The following FBXO11 variants were observed in gnomAD, a reference collection of about 807,000 sequenced individuals.
FBXO11 encodes F-box only protein 11.
Under a neutral mutation model 117.0 loss-of-function variants are expected in FBXO11, and 13 were observed. The ratio of observed to expected loss-of-function variants is 0.11; its 90% CI spans 0.07 to 0.18. FBXO11 has a LOEUF of 0.18. Ranked by LOEUF, FBXO11 falls within the 10% of genes least tolerant of loss-of-function variation. FBXO11 has a pLI of 1.00. For synonymous variants in FBXO11, 490 were observed against 380.5 expected (o/e 1.29, Z -3.35); for missense variants, 767 against 1,164.4 (o/e 0.66, Z 4.97).
chr2:47,826,081 C>T (rs757331190), intron 11 of FBXO11, among the ~76,000 whole-genome samples: 9 of 151,972 alleles, frequency 5.9e-5, no homozygotes, highest in Admixed American at 1.3e-4. Context: ...TTTTTTGAGA[C>T]GGAGTCTCAC....
chr2:47,891,540 T>C (rs527938689), intron 1 of FBXO11, among the ~76,000 whole-genome samples: 1 of 152,360 alleles, frequency 6.6e-6, no homozygotes, highest in Non-Finnish European at 1.5e-5. Context: ...TTGTGGGCTG[T>C]TTCCACATCT....
chr2:47,814,830 T>C (rs979614416), intron 16 of FBXO11, among the ~76,000 whole-genome samples: 1 of 152,224 alleles, frequency 6.6e-6, no homozygotes, highest in African/African-American at 2.4e-5. Context: ...TTGCCAACCC[T>C]GCTACTACTT....
rs1670341518 is a variant in FBXO11 at position 47,807,958 on chromosome 2, C to A, written c.*160G>T. The A allele has an allele frequency of 3.0e-6, 2 of 664,326 alleles. No homozygotes were observed. The highest frequency in any genetic ancestry group is 3.6e-5 in the African/African-American group (2 of 55,732). 41.2% of individuals were successfully genotyped at this position (664,326 alleles called of 1,614,324 possible). On this transcript the variant is annotated 3_prime_UTR_variant, in exon 23 of 23. Transcript: ENST00000403359. ...TCCTGAGTCAATATATTGCCACTTT[C>A]TTTTTGGTAGCTTGAGCTTCATAGT...
intron 1 of FBXO11, among the ~76,000 whole-genome samples, chr2:47,866,566 C>CG: frequency 6.6e-6 from 1 of 151,774 alleles, no homozygotes; most frequent in South Asian, 2.1e-4. Flanking sequence ...CTCCGCCTCT[C>CG]GGGTTCAAGC....
intron 1 of FBXO11, among the ~76,000 whole-genome samples, chr2:47,883,303 C>A (rs980598497): frequency 2.0e-5 from 3 of 152,112 alleles, no homozygotes; most frequent in Non-Finnish European, 2.9e-5. Flanking sequence ...CTTCACAGTC[C>A]AAAGACTCTC....
intron 11 of FBXO11, among the ~76,000 whole-genome samples, chr2:47,828,799 A>G (rs1558419787): frequency 6.6e-6 from 1 of 152,216 alleles, no homozygotes; most frequent in African/African-American, 2.4e-5. Context: ...CAATGTTAGT[A>G]CCTTAGACTT....
intron 21 of FBXO11, chr2:47,808,692 G>T: frequency 2.8e-6 from 1 of 361,254 alleles, no homozygotes; most frequent in Non-Finnish European, 5.0e-6. Flanking sequence ...ATGTTTCTGG[G>T]CTGAAAACAA....
chr2:47,854,793 C>T (rs1482597252), intron 1 of FBXO11, among the ~76,000 whole-genome samples: 1 of 151,564 alleles, frequency 6.6e-6, no homozygotes, highest in African/African-American at 2.4e-5. Context: ...GCTTTGAGAA[C>T]CATGGGAGTC....
chr2:47,835,848 AT>A (rs747946061), intron 5 of FBXO11, 23 bp downstream of exon 5: 1 of 1,550,604 alleles, frequency 6.4e-7, no homozygotes, highest in East Asian at 2.3e-5. Flanking sequence ...ATATAAACCA[AT>A]ATATTCTATT....
At chr2:47,850,296 T>A (rs746921968) in intron 1 of FBXO11, among the ~76,000 whole-genome samples, 2 of 152,164 alleles carry the variant, frequency 1.3e-5, no homozygotes, top group African/African-American at 2.4e-5. Context: ...GGTTTCAATT[T>A]TGAGTTTTGA....
At chr2:47,839,145 A>G in intron 3 of FBXO11, 142 bp from the exon 4 acceptor site, 1 of 824,948 alleles carries the variant, frequency 1.2e-6, no homozygotes, top group East Asian at 2.7e-5. Context: ...TTCATGGGTA[A>G]CACATATTTA....
rs149325575 is a variant in FBXO11, at chr2:47,808,991, C to G, written c.2555+167G>C. On this transcript the variant is annotated intron_variant, in intron 21 of 22. Transcript: ENST00000403359. ...GGATTACAGGCATAAGCCACCACGC[C>G]TACCCACAGTTACAGTCTTAAACAC... 2,399 of 518,320 alleles carry G rather than the reference C, an allele frequency of 4.6e-3. 36 individuals are homozygous for G. The highest frequency in any genetic ancestry group is 0.04 in the African/African-American group (1,996 of 49,874). The allele number at this position is 518,320 out of a possible 1,614,324, so 32.1% of individuals were successfully genotyped here.
At chr2:47,832,020 T>C (rs60866242) in intron 11 of FBXO11, among the ~76,000 whole-genome samples, 24,728 of 152,176 alleles carry the variant, frequency 0.16, 2,160 homozygotes, top group African/African-American at 0.19. Flanking sequence ...TTTATTAAAC[T>C]GGAGGATACA....
rs1210608539 is a variant in FBXO11 at position 47,906,041 on chromosome 2, G to C, written c.-321C>G. On this transcript the variant is annotated 5_prime_UTR_variant, in exon 1 of 23. Coordinates refer to ENST00000403359, the MANE Select transcript of FBXO11 (RefSeq NM_001190274.2). Reference sequence around the variant, plus strand: ...CGAGAGAAAGAAAGAAAGGGCGTCCGCCGCTTGGGGATCCCGAGGCGAAGC... The same window carrying C: ...CGAGAGAAAGAAAGAAAGGGCGTCCCCCGCTTGGGGATCCCGAGGCGAAGC... The C allele has an allele frequency of 3.9e-6, 1 of 253,274 alleles. No homozygotes were observed. The highest frequency in any genetic ancestry group is 7.9e-5 in the East Asian group (1 of 12,688). 15.7% of individuals were successfully genotyped at this position (253,274 alleles called of 1,614,324 possible).
At chr2:47,890,948 G>A (rs1300799463) in intron 1 of FBXO11, among the ~76,000 whole-genome samples, 3 of 151,930 alleles carry the variant, frequency 2.0e-5, no homozygotes, top group Non-Finnish European at 4.4e-5. Context: ...CTCCTGAGCA[G>A]TTGGGACCAC....
intron 1 of FBXO11, among the ~76,000 whole-genome samples, chr2:47,872,466 G>A (rs1278963522): frequency 6.6e-6 from 1 of 152,140 alleles, no homozygotes; most frequent in Non-Finnish European, 1.5e-5. Context: ...TGGGACTACA[G>A]GAGTGCGCCA....
chr2:47,863,711 T>C (rs1393777601), intron 1 of FBXO11, among the ~76,000 whole-genome samples: 1 of 152,068 alleles, frequency 6.6e-6, no homozygotes, highest in African/African-American at 2.4e-5. Flanking sequence ...CTGCCTACGG[T>C]GGGCAGATCA....
intron 1 of FBXO11, among the ~76,000 whole-genome samples, chr2:47,879,746 C>G (rs1385951873): frequency 6.6e-6 from 1 of 152,200 alleles, no homozygotes; most frequent in Non-Finnish European, 1.5e-5. Flanking sequence ...TGCTGAAACT[C>G]TATATCCACT....
chr2:47,839,612 A>C, intron 2 of FBXO11, 30 bp downstream of exon 2: 1 of 1,605,748 alleles, frequency 6.2e-7, no homozygotes, highest in Non-Finnish European at 8.5e-7. Flanking sequence ...CTTTCATTAC[A>C]AAAAGAAAAG....
Sources: gnomAD v4.1 joint callset for allele counts (sites outside exome capture counted in the v4.1 genomes callset) on GRCh38, gnomAD v4.1.1 for gene constraint, MANE v1.5 for transcripts, NCBI Gene and HGNC (gene_info 2026-07-23, HGNC 2026-07-21) for gene names.